CERT1: variants seen among roughly 807,000 people sequenced by gnomAD.
The protein encoded by CERT1 is ceramide transfer protein.
CERT1 carries 31 observed loss-of-function variants against 87.9 expected under a neutral mutation model. The ratio of observed to expected loss-of-function variants is 0.35; its 90% CI spans 0.27 to 0.48. CERT1 has a LOEUF of 0.48. Among genes scored for constraint, CERT1 ranks in the 20% least tolerant of loss-of-function variants. The pLI is 0.99. For synonymous variants in CERT1, 289 were observed against 250.9 expected (o/e 1.15, Z -1.44); for missense variants, 487 against 758.0 (o/e 0.64, Z 4.20).
At chr5:75,428,215 C>G (rs1763704101) in intron 3 of CERT1, among the ~76,000 whole-genome samples, 1 of 151,864 alleles carries the variant, frequency 6.6e-6, no homozygotes, top group African/African-American at 2.4e-5. Context: ...GATATTAGCA[C>G]TAGTTTAAAA....
At chr5:75,467,800 T>C (rs1181018163) in intron 2 of CERT1, among the ~76,000 whole-genome samples, 1 of 152,060 alleles carries the variant, frequency 6.6e-6, no homozygotes, top group Non-Finnish European at 1.5e-5. Context: ...ACTGGTAAAA[T>C]ATAAATTAAG....
chr5:75,421,922 G>A (rs1249035084), intron 5 of CERT1, among the ~76,000 whole-genome samples: 1 of 151,992 alleles, frequency 6.6e-6, no homozygotes, highest in Non-Finnish European at 1.5e-5. Context: ...TTGTTTTCTT[G>A]GAAAACTCAA....
chr5:75,425,897 C>A (rs947689834), intron 4 of CERT1, among the ~76,000 whole-genome samples: 9 of 152,194 alleles, frequency 5.9e-5, no homozygotes, highest in Non-Finnish European at 1.0e-4. Flanking sequence ...TAATGGTGAG[C>A]TGTCATTTAT....
At chr5:75,480,232 C>T (rs1365939397) in intron 2 of CERT1, among the ~76,000 whole-genome samples, 1 of 152,166 alleles carries the variant, frequency 6.6e-6, no homozygotes, top group Non-Finnish European at 1.5e-5. Context: ...ACAGGAGTTA[C>T]CTACATTATT....
chr5:75,486,991 G>A (rs1766554301), intron 2 of CERT1, among the ~76,000 whole-genome samples: 1 of 151,768 alleles, frequency 6.6e-6, no homozygotes, highest in African/African-American at 2.4e-5. Flanking sequence ...ATCCTAAAAT[G>A]TATACAGAAC....
chr5:75,447,709 C>T (rs148333068), intron 3 of CERT1, among the ~76,000 whole-genome samples: 12,466 of 151,572 alleles, frequency 0.082, 579 homozygotes, highest in South Asian at 0.12. Flanking sequence ...CTCCTGACCT[C>T]GTGATCCACC....
At chr5:75,395,090 CAG>C (rs1203822801) in intron 11 of CERT1, among the ~76,000 whole-genome samples, 1 of 152,172 alleles carries the variant, frequency 6.6e-6, no homozygotes, top group African/African-American at 2.4e-5. Flanking sequence ...GAGCCTCACA[CAG>C]AACCATTTTT....
At position 75,381,128 on chromosome 5, in the gene CERT1, C is replaced by T. The variant is rs1761562741; in HGVS notation, c.1691G>A (p.Gly564Glu). 1 of 1,614,056 alleles carries T rather than the reference C, an allele frequency of 6.2e-7. No individual in the cohort carries two copies. Among genetic ancestry groups the T allele is most frequent in the Non-Finnish European group, 8.5e-7 (1 of 1,179,976 alleles). Reference sequence around the variant, plus strand: ...GTTGTCCCTGCTAATTTCCTGGTTTCCCTCTGGTGGGCTTACCAAGGTTTG... The same window carrying T: ...GTTGTCCCTGCTAATTTCCTGGTTTTCCTCTGGTGGGCTTACCAAGGTTTG... The part of the protein sequence containing the change: ...ICQTLVSPPE[G>E]NQEISRDNIL... The change falls in exon 16 of 17, where the codon GGA becomes GAA. Residue 564 changes from glycine to glutamate, a missense_variant. Transcript: ENST00000643780.
chr5:75,484,329 G>GA (rs1766399629), intron 2 of CERT1, among the ~76,000 whole-genome samples: 2 of 147,464 alleles, frequency 1.4e-5, no homozygotes, highest in Non-Finnish European at 1.5e-5. Context: ...AGGAAAGAAA[G>GA]AAAAAAAAGA....
At chr5:75,458,918 AT>A in intron 3 of CERT1, 146 bp downstream of exon 3, 1 of 567,824 alleles carries the variant, frequency 1.8e-6, no homozygotes, top group Non-Finnish European at 3.2e-6. Context: ...TATTTCAAAA[AT>A]TTACATATGA....
At chr5:75,478,325 T>TA (rs995415337) in intron 2 of CERT1, among the ~76,000 whole-genome samples, 4 of 145,236 alleles carry the variant, frequency 2.8e-5, no homozygotes, top group South Asian at 4.4e-4. Flanking sequence ...AAAAAAAAAA[T>TA]AAAAAAAAGA....
intron 3 of CERT1, among the ~76,000 whole-genome samples, chr5:75,448,480 G>T (rs1580785568): frequency 1.3e-5 from 2 of 152,254 alleles, no homozygotes; most frequent in East Asian, 3.9e-4. Context: ...CTGAGAATAT[G>T]TACCAAGCAA....
At chr5:75,503,613 T>C (rs73764923) in intron 2 of CERT1, among the ~76,000 whole-genome samples, 56 of 152,038 alleles carry the variant, frequency 3.7e-4, no homozygotes, top group African/African-American at 1.3e-3. Context: ...ATCCATTTCA[T>C]TGTATCTAAG....
At chr5:75,413,663 A>C (rs998542470) in intron 7 of CERT1, among the ~76,000 whole-genome samples, 1 of 150,876 alleles carries the variant, frequency 6.6e-6, no homozygotes, top group Non-Finnish European at 1.5e-5. Context: ...CAACACCAAC[A>C]CCTATACACA....
At chr5:75,471,788 G>C (rs1310841717) in intron 2 of CERT1, among the ~76,000 whole-genome samples, 1 of 149,902 alleles carries the variant, frequency 6.7e-6, no homozygotes, top group Non-Finnish European at 1.5e-5. Context: ...AAAGGTGGTA[G>C]GCTGATGACT....
intron 7 of CERT1, among the ~76,000 whole-genome samples, chr5:75,414,003 T>G (rs745793095): frequency 3.3e-5 from 5 of 151,608 alleles, no homozygotes; most frequent in Non-Finnish European, 5.9e-5. Context: ...AACAGGAAAA[T>G]AGATAAGCAA....
intron 2 of CERT1, among the ~76,000 whole-genome samples, chr5:75,484,416 A>G (rs553561569): frequency 6.6e-6 from 1 of 152,016 alleles, no homozygotes; most frequent in South Asian, 2.1e-4. Context: ...GTATGAATGT[A>G]TATGGACTAA....
chr5:75,492,635 C>T (rs1766852995), intron 2 of CERT1, among the ~76,000 whole-genome samples: 1 of 152,206 alleles, frequency 6.6e-6, no homozygotes, highest in South Asian at 2.1e-4. Context: ...CTGATACAAT[C>T]ACTATACTCA....
chr5:75,488,934 T>C (rs1047738884), intron 2 of CERT1, among the ~76,000 whole-genome samples: 3 of 152,158 alleles, frequency 2.0e-5, no homozygotes, highest in Admixed American at 1.3e-4. Context: ...AGAGCCCATA[T>C]AGCCAAGACA....
Sources: gnomAD v4.1 joint callset for allele counts (sites outside exome capture counted in the v4.1 genomes callset) on GRCh38, gnomAD v4.1.1 for gene constraint, MANE v1.5 for transcripts, NCBI Gene and HGNC (gene_info 2026-07-23, HGNC 2026-07-21) for gene names.